Variants in G3BP1 observed in about 807,000 individuals in gnomAD.
G3BP1 encodes ras GTPase-activating protein-binding protein 1.
G3BP1 carries 35 observed loss-of-function variants against 58.6 expected under a neutral mutation model. The ratio of observed to expected loss-of-function variants is 0.60; its 90% confidence interval spans 0.46 to 0.79. The LOEUF is 0.79. Among genes scored for constraint, G3BP1 ranks in the 30% least tolerant of loss-of-function variants. The pLI, the probability that G3BP1 is intolerant of heterozygous loss-of-function variation, is 0.00. For synonymous variants in G3BP1, 191 were observed against 195.4 expected, an observed-to-expected ratio of 0.98 and a Z score of 0.19; for missense variants, 523 against 580.8, an observed-to-expected ratio of 0.90 and a Z score of 1.02.
At position 151,803,866 on chromosome 5, in the gene G3BP1, G is replaced by A. The variant is rs759086571; in HGVS notation, c.1195-19G>A. The A allele has an allele frequency of 1.3e-6, 2 of 1,564,462 alleles. No homozygotes were observed. Among genetic ancestry groups the A allele is most frequent in the Admixed American group, 1.7e-5 (1 of 59,606 alleles). ...CAGCTCATCAGTACTCTTAAGTCTGGTCACCTTGATTCTTACAGCCCATCA... is the reference window on the plus strand; with the variant it reads ...CAGCTCATCAGTACTCTTAAGTCTGATCACCTTGATTCTTACAGCCCATCA... On this transcript the variant is annotated intron_variant, in intron 11 of 11. Coordinates refer to ENST00000356245, the MANE Select transcript of G3BP1 (RefSeq NM_005754.3).
intron 3 of G3BP1, 138 bp downstream of exon 3, chr5:151,790,542 CTA>C: frequency 2.0e-6 from 1 of 503,326 alleles, no homozygotes; most frequent in East Asian, 3.4e-5. Context: ...TGTTTTATTA[CTA>C]TTTGATTAAT....
At chr5:151,796,007 G>A (rs537290461) in intron 6 of G3BP1, among the ~76,000 whole-genome samples, 1 of 152,270 alleles carries the variant, frequency 6.6e-6, no homozygotes, top group South Asian at 2.1e-4. Flanking sequence ...ACGTTAGTAA[G>A]TGCATCATTA....
At chr5:151,773,456 C>T (rs1269345341) in intron 1 of G3BP1, among the ~76,000 whole-genome samples, 1 of 152,148 alleles carries the variant, frequency 6.6e-6, no homozygotes, top group East Asian at 1.9e-4. Flanking sequence ...GTTTATTTAG[C>T]ATTTACTCTG....
rs888398793 is a variant in G3BP1 at position 151,808,687 on chromosome 5, T to C, written c.*4596T>C. 3 of 152,236 alleles carry C rather than the reference T, an allele frequency of 2.0e-5. No individual in the cohort carries two copies. The highest frequency in any genetic ancestry group is 2.9e-5 in the Non-Finnish European group (2 of 68,044). The allele number at this position is 152,236 out of a possible 1,614,324, so 9.4% of individuals were successfully genotyped here. ...AGTGTCCCAGATTTGTAAGGTACAGTGTGCATACAGTGTGTCTTAGGATTT... is the reference window on the plus strand; with the variant it reads ...AGTGTCCCAGATTTGTAAGGTACAGCGTGCATACAGTGTGTCTTAGGATTT... On this transcript the variant is annotated 3_prime_UTR_variant, in exon 12 of 12. Coordinates refer to ENST00000356245, the MANE Select transcript of G3BP1 (RefSeq NM_005754.3).
chr5:151,812,683 G>A lies in G3BP1; in HGVS notation c.*8592G>A, dbSNP rs1025182239. 2 of 152,216 alleles carry A rather than the reference G, an allele frequency of 1.3e-5. No homozygotes were observed. The highest frequency in any genetic ancestry group is 1.3e-4 in the Admixed American group (2 of 15,282). The allele number at this position is 152,216 out of a possible 1,614,324, so 9.4% of individuals were successfully genotyped here. A position where few individuals can be genotyped will look rare whatever the true frequency, so the allele number is the denominator to read the frequency against. On this transcript the variant is annotated 3_prime_UTR_variant, in exon 12 of 12. Coordinates refer to ENST00000356245, the MANE Select transcript of G3BP1 (RefSeq NM_005754.3). ...AATGAATCCTGAGTCAAAATGAAAGGTTGCTAAATCTAAGATCGAGTGTAT... is the reference window on the plus strand; with the variant it reads ...AATGAATCCTGAGTCAAAATGAAAGATTGCTAAATCTAAGATCGAGTGTAT...
intron 1 of G3BP1, among the ~76,000 whole-genome samples, chr5:151,780,819 C>T (rs1397984343): frequency 6.6e-6 from 1 of 152,188 alleles, no homozygotes; most frequent in African/African-American, 2.4e-5. Flanking sequence ...GCTGATAATG[C>T]TCATAGTTCT....
Position 151,812,551 on chromosome 5 carries a change from T to C in G3BP1, c.*8460T>C, listed in dbSNP as rs56144037. On this transcript the variant is annotated 3_prime_UTR_variant, in exon 12 of 12. Coordinates refer to ENST00000356245, the MANE Select transcript of G3BP1 (RefSeq NM_005754.3). ...ACATGAAGGGCAAGTCCTTTGGGGA[T>C]GACTTCTAATTAATGCAGAAGTCAT... The C allele has an allele frequency of 0.034, 5,221 of 152,340 alleles. 131 individuals are homozygous for C. Among genetic ancestry groups the C allele is most frequent in the Middle Eastern group, 0.051 (15 of 294 alleles). The allele number at this position is 152,340 out of a possible 1,614,324, so 9.4% of individuals were successfully genotyped here.
chr5:151,774,930 C>CT (rs111445645), intron 1 of G3BP1, among the ~76,000 whole-genome samples: 63,985 of 151,896 alleles, frequency 0.42, 13,616 homozygotes, highest in South Asian at 0.47. Flanking sequence ...CAGCTATTTA[C>CT]TTTTTTTAAA....
In G3BP1 at chr5:151,781,993, A is replaced by ATT. The variant is rs199969733; in HGVS notation, c.-49-4569_-49-4568dup. On this transcript the variant is annotated intron_variant, in intron 1 of 11. Transcript: ENST00000356245. ...TACAGTTTTATGTTAAATGCTTGGG[A>ATT]TTTTTTTTTTTAACTCCTTTAGGAA... 4.3e-4 allele frequency among the ~76,000 whole-genome samples: 64 copies of ATT among 147,640 alleles called. 1 individual carries two copies. Among genetic ancestry groups the ATT allele is most frequent in the Non-Finnish European group, 7.7e-4 (51 of 66,570 alleles).
At chr5:151,788,470 C>A (rs1263332391) in intron 2 of G3BP1, among the ~76,000 whole-genome samples, 1 of 151,400 alleles carries the variant, frequency 6.6e-6, no homozygotes, top group African/African-American at 2.4e-5. Flanking sequence ...GAGATCATAG[C>A]TTACTACAGC....
intron 1 of G3BP1, among the ~76,000 whole-genome samples, chr5:151,782,894 G>A (rs1762492972): frequency 8.7e-6 from 1 of 114,560 alleles, no homozygotes. Context: ...CTCTCGCTCT[G>A]TCGCCCAGGC....
In G3BP1 at chr5:151,800,384, GTC is replaced by G. The variant is rs780880879; in HGVS notation, c.1084+44_1084+45del. 1.6e-5 allele frequency: 24 copies of G among 1,537,854 alleles called. 1 individual carries two copies. The highest frequency in any genetic ancestry group is 2.1e-5 in the Non-Finnish European group (23 of 1,112,388). ...GTTTTGAACACTAAATTCATCTAGT[GTC>G]TCTCTAGCACTGTCCAGTAGCAATA... is the stretch of plus-strand genomic sequence containing the variant. On this transcript the variant is annotated intron_variant, in intron 10 of 11. Transcript: ENST00000356245.
At chr5:151,782,140 G>C (rs143262625) in intron 1 of G3BP1, among the ~76,000 whole-genome samples, 6 of 152,188 alleles carry the variant, frequency 3.9e-5, no homozygotes, top group Admixed American at 3.9e-4. Flanking sequence ...AGTAATAATA[G>C]CTAACATTTA....
At position 151,800,357 on chromosome 5, in the gene G3BP1, G is replaced by T; in HGVS notation, c.1084+11G>T. On this transcript the variant is annotated intron_variant, in intron 10 of 11. Transcript: ENST00000356245. ...AAGATTTCTTTCAAAGTAGGTTATT[G>T]AGTTTTGAACACTAAATTCATCTAG... The T allele has an allele frequency of 1.2e-6, 2 of 1,608,924 alleles. No individual in the cohort carries two copies. Among genetic ancestry groups the T allele is most frequent in the South Asian group, 1.1e-5 (1 of 90,946 alleles).
chr5:151,781,347 T>C (rs1384626419), intron 1 of G3BP1, among the ~76,000 whole-genome samples: 1 of 152,246 alleles, frequency 6.6e-6, no homozygotes, highest in African/African-American at 2.4e-5. Context: ...ATAATTTTTT[T>C]CCTAGCCACC....
At chr5:151,792,291 T>TA (rs951006503) in intron 4 of G3BP1, 7 of 231,262 alleles carry the variant, frequency 3.0e-5, no homozygotes, top group African/African-American at 1.6e-4. Context: ...GCATTAATCT[T>TA]AAGTTTTCTT....
chr5:151,776,112 T>C lies in G3BP1; in HGVS notation c.-50+4076T>C, dbSNP rs540354840. Among the ~76,000 whole-genome samples, 11 of 152,350 alleles carry C rather than the reference T, an allele frequency of 7.2e-5. No individual in the cohort carries two copies. The South Asian group carries it at 2.1e-3, about 29-fold the overall frequency. On this transcript the variant is annotated intron_variant, in intron 1 of 11. Coordinates refer to ENST00000356245, the MANE Select transcript of G3BP1 (RefSeq NM_005754.3). ...ACATTGTATGTAGTCTCCTGATCTGTGTCAGTTTCTGTCTTTCCTTTTGTC... is the reference window on the plus strand; with the variant it reads ...ACATTGTATGTAGTCTCCTGATCTGCGTCAGTTTCTGTCTTTCCTTTTGTC...
intron 1 of G3BP1, 22 bp downstream of exon 1, chr5:151,772,058 GC>G (rs1407906570): frequency 1.3e-5 from 2 of 152,766 alleles, no homozygotes; most frequent in Non-Finnish European, 2.9e-5. Context: ...TGTGGGCGGG[GC>G]AGGGAGGCCA....
At chr5:151,788,572 ATGTGTGTGTG>A (rs10634385) in intron 2 of G3BP1, among the ~76,000 whole-genome samples, 96 of 133,328 alleles carry the variant, frequency 7.2e-4, no homozygotes, top group East Asian at 3.6e-3. Flanking sequence ...CTAAGTTTAT[ATGTGTGTGTG>A]TGTGTGTGTG....
Sources: gnomAD v4.1 joint callset for allele counts (sites outside exome capture counted in the v4.1 genomes callset) on GRCh38, gnomAD v4.1.1 for gene constraint, MANE v1.5 for transcripts, NCBI Gene and HGNC (gene_info 2026-07-23, HGNC 2026-07-21) for gene names.